LRRC61: variants seen among roughly 807,000 people sequenced by gnomAD.
The protein encoded by LRRC61 is leucine rich repeat containing 61.
Under a neutral mutation model 15.1 loss-of-function variants are expected in LRRC61, and 9 were observed. That is an observed-to-expected ratio of 0.60 (90% CI 0.36 to 1.04). The LOEUF is 1.04. LRRC61 is among the 50% of genes least tolerant of loss of function. The pLI is 0.01. For missense variants in LRRC61, 344 were observed against 335.6 expected, an observed-to-expected ratio of 1.03 and a Z score of -0.20; for synonymous variants, 173 against 158.6, an observed-to-expected ratio of 1.09 and a Z score of -0.68.
chr7:150,326,236 T>C (rs1380179209), intron 2 of LRRC61, among the ~76,000 whole-genome samples: 2 of 152,192 alleles, frequency 1.3e-5, no homozygotes, highest in Non-Finnish European at 2.9e-5. Flanking sequence ...GAAGGCAGAG[T>C]GCTGGCTCAT....
chr7:150,319,470 G>T (rs928063752), upstream of LRRC61, among the ~76,000 whole-genome samples: 4 of 152,174 alleles, frequency 2.6e-5, no homozygotes, highest in African/African-American at 9.7e-5. Context: ...GCCTCCCAAA[G>T]TGCTGGGATT....
At chr7:150,332,280 C>G (rs1798132574) in intron 2 of LRRC61, 1 of 167,096 alleles carries the variant, frequency 6.0e-6, no homozygotes, top group Non-Finnish European at 1.5e-5. Context: ...AAGGGGGTGG[C>G]CCGTCACCCC....
At chr7:150,312,592 A>G in the LRRC61 span, among the ~76,000 whole-genome samples, 1 of 152,156 alleles carries the variant, frequency 6.6e-6, no homozygotes, top group African/African-American at 2.4e-5. Flanking sequence ...CAAACTCAAA[A>G]ATATGCTAAC....
chr7:150,310,012 C>T, the LRRC61 span, among the ~76,000 whole-genome samples: 1 of 152,154 alleles, frequency 6.6e-6, no homozygotes, highest in African/African-American at 2.4e-5. Flanking sequence ...GACGGCCAAG[C>T]TTCTGAACCT....
At chr7:150,322,454 T>G (rs1264512140), upstream of LRRC61, among the ~76,000 whole-genome samples, 1 of 152,182 alleles carries the variant, frequency 6.6e-6, no homozygotes. Context: ...TATGCACTAA[T>G]TATAATGCAT....
At chr7:150,327,541 G>T (rs567344899) in intron 2 of LRRC61, among the ~76,000 whole-genome samples, 1 of 152,140 alleles carries the variant, frequency 6.6e-6, no homozygotes, top group Admixed American at 6.5e-5. Context: ...GCACCGGGCC[G>T]GGCGTGGTGA....
Position 150,330,332 on chromosome 7 carries a change from G to C in LRRC61, c.-145+4322G>C, listed in dbSNP as rs902997099. Reference sequence around the variant, plus strand: ...ACAAGGGCAGGCACCAGCTGGGGAAGGCTGGTGTTGCCTTGTCGGCCACAT... The same window carrying C: ...ACAAGGGCAGGCACCAGCTGGGGAACGCTGGTGTTGCCTTGTCGGCCACAT... On this transcript the variant is annotated intron_variant, in intron 2 of 2. Coordinates refer to ENST00000359623, the MANE Select transcript of LRRC61 (RefSeq NM_001142928.2). The surrounding 1 kb of genome is among the most constrained non-coding windows in gnomAD (Gnocchi z 4.6). 1 of 736,320 alleles carries C rather than the reference G, an allele frequency of 1.4e-6. No individual in the cohort carries two copies. The highest frequency in any genetic ancestry group is 2.5e-6 in the Non-Finnish European group (1 of 403,230). 45.6% of individuals were successfully genotyped at this position (736,320 alleles called of 1,614,324 possible). A position where few individuals can be genotyped will look rare whatever the true frequency, so the allele number is the denominator to read the frequency against.
chr7:150,335,162 T>C lies in LRRC61; in HGVS notation c.-144-1556T>C, dbSNP rs1246985284. Among the ~76,000 whole-genome samples, 1 of 152,220 alleles carries C rather than the reference T, an allele frequency of 6.6e-6. No individual in the cohort carries two copies. ...CTCCTTAGGGCCTGTATCTTTTGTTTTCACAGCAGACAGGTTTCTAGTGCC... is the reference window on the plus strand; with the variant it reads ...CTCCTTAGGGCCTGTATCTTTTGTTCTCACAGCAGACAGGTTTCTAGTGCC... On this transcript the variant is annotated intron_variant, in intron 2 of 2. Transcript: ENST00000359623. The surrounding 1 kb of genome is among the most constrained non-coding windows in gnomAD (Gnocchi z 4.3).
intron 2 of LRRC61, among the ~76,000 whole-genome samples, chr7:150,328,208 A>T (rs1292091764): frequency 6.6e-6 from 1 of 152,218 alleles, no homozygotes; most frequent in African/African-American, 2.4e-5. Flanking sequence ...AGGGCAGAAG[A>T]TCTGGTCCAA....
chr7:150,320,069 G>C (rs757681881), upstream of LRRC61, among the ~76,000 whole-genome samples: 1 of 152,158 alleles, frequency 6.6e-6, no homozygotes, highest in African/African-American at 2.4e-5. Context: ...CTGGATTAAC[G>C]CTGGAAAGGG....
At position 150,338,057 on chromosome 7, in the gene LRRC61, G is replaced by A. The variant is rs369675070; in HGVS notation, c.*416G>A. On this transcript the variant is annotated 3_prime_UTR_variant, in exon 3 of 3. Transcript: ENST00000359623. Reference sequence around the variant, plus strand: ...AGTGGGACTCCCCTGCCTTGCAAATGTGCCTCTCCAGACTGCTCCTGCACT... The same window carrying A: ...AGTGGGACTCCCCTGCCTTGCAAATATGCCTCTCCAGACTGCTCCTGCACT... 6.1e-5 allele frequency: 26 copies of A among 426,196 alleles called. 1 individual carries two copies. The Admixed American group carries it at 9.0e-4, about 15-fold the overall frequency. 26.4% of individuals were successfully genotyped at this position (426,196 alleles called of 1,614,324 possible). A position where few individuals can be genotyped will look rare whatever the true frequency, so the allele number is the denominator to read the frequency against.
Position 150,333,148 on chromosome 7 carries a change from G to A in LRRC61, c.-144-3570G>A, listed in dbSNP as rs1188753221. 6.6e-6 allele frequency among the ~76,000 whole-genome samples: 1 copy of A among 152,222 alleles called. No individual in the cohort carries two copies. Among genetic ancestry groups the A allele is most frequent in the Admixed American group, 6.5e-5 (1 of 15,288 alleles). Reference sequence around the variant, plus strand: ...AGAGGACTGGGAGGCCTAGAATGGTGAGGCAGCGAGGCTCGGGAGAAGAAC... The same window carrying A: ...AGAGGACTGGGAGGCCTAGAATGGTAAGGCAGCGAGGCTCGGGAGAAGAAC... On this transcript the variant is annotated intron_variant, in intron 2 of 2. Coordinates refer to ENST00000359623, the MANE Select transcript of LRRC61 (RefSeq NM_001142928.2). The surrounding 1 kb of genome is among the most constrained non-coding windows in gnomAD (Gnocchi z 4.3).
chr7:150,316,703 C>A, the LRRC61 span, among the ~76,000 whole-genome samples: 1 of 152,092 alleles, frequency 6.6e-6, no homozygotes, highest in Non-Finnish European at 1.5e-5. Context: ...CCAGGATGGT[C>A]TCTATCTCTT....
Position 150,335,878 on chromosome 7 carries a change from G to A in LRRC61, c.-144-840G>A, listed in dbSNP as rs549195638. Reference sequence around the variant, plus strand: ...CCTGGCAATTTGATGTGCCCCTCCCGGCTTTCTGGAGCCACCCTTCCCTCC... The same window carrying A: ...CCTGGCAATTTGATGTGCCCCTCCCAGCTTTCTGGAGCCACCCTTCCCTCC... On this transcript the variant is annotated intron_variant, in intron 2 of 2. Coordinates refer to ENST00000359623, the MANE Select transcript of LRRC61 (RefSeq NM_001142928.2). This position sits in a 1 kb window ranked among gnomAD's most constrained non-coding sequence, Gnocchi z 4.3. 6.6e-6 allele frequency among the ~76,000 whole-genome samples: 1 copy of A among 152,284 alleles called. No homozygotes were observed. Among genetic ancestry groups the A allele is most frequent in the Admixed American group, 6.5e-5 (1 of 15,282 alleles).
intron 2 of LRRC61, among the ~76,000 whole-genome samples, chr7:150,334,768 A>C (rs1452792428): frequency 6.6e-6 from 1 of 152,214 alleles, no homozygotes; most frequent in East Asian, 1.9e-4. Flanking sequence ...CTGTAATCCC[A>C]ACACTTTGGG....
At position 150,337,080 on chromosome 7, in the gene LRRC61, C is replaced by T; in HGVS notation, c.219C>T (p.Ser73=). The change falls in exon 3 of 3, where the codon TCC becomes TCT. Residue 73 remains serine, a synonymous_variant. Coordinates refer to ENST00000359623, the MANE Select transcript of LRRC61 (RefSeq NM_001142928.2). ...NALTHLGPLA[S]LRQLAVLNVS... Reference sequence around the variant, plus strand: ...TCACCCACCTGGGCCCGCTGGCCTCCTTGCGCCAGCTAGCTGTGCTCAATG... The same window carrying T: ...TCACCCACCTGGGCCCGCTGGCCTCTTTGCGCCAGCTAGCTGTGCTCAATG... 1 of 1,612,848 alleles carries T rather than the reference C, an allele frequency of 6.2e-7. No individual in the cohort carries two copies. Among genetic ancestry groups the T allele is most frequent in the South Asian group, 1.1e-5 (1 of 91,076 alleles).
intron 2 of LRRC61, among the ~76,000 whole-genome samples, chr7:150,332,930 A>G (rs1322634558): frequency 6.6e-6 from 1 of 152,168 alleles, no homozygotes. Context: ...CTCTCCCTGC[A>G]GTGTCCTGTA....
chr7:150,328,005 T>C (rs1797999141), intron 2 of LRRC61, among the ~76,000 whole-genome samples: 1 of 152,152 alleles, frequency 6.6e-6, no homozygotes, highest in Non-Finnish European at 1.5e-5. Flanking sequence ...GTGTCTTAAG[T>C]GTTTGGGGTG....
rs201506127 is a variant in LRRC61 at position 150,330,644 on chromosome 7, C to T, written c.-145+4634C>T. Reference sequence around the variant, plus strand: ...TGCTGGCCACCTTGCTGGACCCTTGCTTCAAGGGGAAGATTGAGGCCATCC... The same window carrying T: ...TGCTGGCCACCTTGCTGGACCCTTGTTTCAAGGGGAAGATTGAGGCCATCC... On this transcript the variant is annotated intron_variant, in intron 2 of 2. Transcript: ENST00000359623. This position sits in a 1 kb window ranked among gnomAD's most constrained non-coding sequence, Gnocchi z 4.6. 3.0e-6 allele frequency: 3 copies of T among 995,106 alleles called. No homozygotes were observed. The highest frequency in any genetic ancestry group is 1.7e-5 in the Admixed American group (1 of 59,298). 61.6% of individuals were successfully genotyped at this position (995,106 alleles called of 1,614,324 possible). A position where few individuals can be genotyped will look rare whatever the true frequency, so the allele number is the denominator to read the frequency against.
Sources: allele counts gnomAD v4.1 joint callset (sites outside exome capture counted in the v4.1 genomes callset), GRCh38; gene constraint gnomAD v4.1.1; non-coding constraint Gnocchi (gnomAD v3.1); transcripts MANE v1.5; gene names NCBI Gene and HGNC (gene_info 2026-07-23, HGNC 2026-07-21).